LRRFIP1: variants seen among roughly 807,000 people sequenced by gnomAD.
LRRFIP1 encodes the protein LRR binding FLII interacting protein 1, also known as leucine-rich repeat flightless-interacting protein 1.
Under a neutral mutation model 104.4 loss-of-function variants are expected in LRRFIP1, and 62 were observed. The ratio of observed to expected loss-of-function variants is 0.59; its 90% confidence interval spans 0.48 to 0.73. The LOEUF (loss-of-function observed/expected upper bound fraction) is 0.73. Ranked by LOEUF, LRRFIP1 falls within the 30% of genes least tolerant of loss-of-function variation. The pLI, the probability that LRRFIP1 is intolerant of heterozygous loss-of-function variation, is 0.00. For synonymous variants in LRRFIP1, 300 were observed against 299.0 expected (o/e 1.00, Z -0.03); for missense variants, 796 against 824.5 (o/e 0.97, Z 0.42).
chr2:237,735,727 G>A lies in LRRFIP1; in HGVS notation c.555+394G>A, dbSNP rs55653383. ...CAAATTTTAAAACTTGGAATGTTAC[G>A]CATATTTCATTCCCTGTTTGTATTT... is the stretch of plus-strand genomic sequence containing the variant. On this transcript the variant is annotated intron_variant, in intron 10 of 23. Transcript: ENST00000308482. The surrounding 1 kb of genome is among the most constrained non-coding windows in gnomAD (Gnocchi z 4.6). The A allele has an allele frequency of 1.8e-4, 32 of 176,992 alleles. No homozygotes were observed. The highest frequency in any genetic ancestry group is 3.6e-4 in the Non-Finnish European group (30 of 83,610). 11.0% of individuals were successfully genotyped at this position (176,992 alleles called of 1,614,324 possible). A position where few individuals can be genotyped will look rare whatever the true frequency, so the allele number is the denominator to read the frequency against.
At position 237,627,637 on chromosome 2, in the gene LRRFIP1, C is replaced by T. The variant is rs1195746821; in HGVS notation, c.-8C>T. On this transcript the variant is annotated 5_prime_UTR_variant, in exon 1 of 24. In the 5' UTR this introduces an upstream ATG that the reference lacks. Transcript: ENST00000308482. The stretch of plus-strand genomic sequence containing the variant: ...CGGGCCCCGCGGCAGCTGCGGGCGA[C>T]GCGGTCGATGGACATGGGCACCCAG... 2.3e-6 allele frequency: 3 copies of T among 1,310,146 alleles called. No homozygotes were observed. Among genetic ancestry groups the T allele is most frequent in the East Asian group, 3.6e-5 (1 of 27,784 alleles). 81.2% of individuals were successfully genotyped at this position (1,310,146 alleles called of 1,614,324 possible).
intron 8 of LRRFIP1, among the ~76,000 whole-genome samples, chr2:237,731,404 A>G (rs754488807): frequency 3.4e-4 from 52 of 151,890 alleles, no homozygotes; most frequent in Middle Eastern, 3.4e-3. Context: ...TGGCAGCTCC[A>G]TGGCGCCCAC....
rs535554396 is a variant in LRRFIP1, at chr2:237,758,161, A to G, written c.1225-568A>G. Among the ~76,000 whole-genome samples, 3 of 142,186 alleles carry G rather than the reference A, an allele frequency of 2.1e-5. No homozygotes were observed. The South Asian group carries it at 7.1e-4, about 34-fold the overall frequency. The allele number at this position is 142,186 out of a possible 152,430, so 93.3% of individuals were successfully genotyped here. On this transcript the variant is annotated intron_variant, in intron 17 of 23. Transcript: ENST00000308482. ...TAAAGACGTCGAGATACCTGCACAA[A>G]CCATCGGCACGTTGACTCAAGCCAC...
At position 237,711,253 on chromosome 2, in the gene LRRFIP1, G is replaced by T. The variant is rs2094068831; in HGVS notation, c.183+2623G>T. Among the ~76,000 whole-genome samples, 1 of 152,214 alleles carries T rather than the reference G, an allele frequency of 6.6e-6. No homozygotes were observed. Among genetic ancestry groups the T allele is most frequent in the East Asian group, 1.9e-4 (1 of 5,196 alleles). On this transcript the variant is annotated intron_variant, in intron 2 of 23. Transcript: ENST00000308482. This position sits in a 1 kb window ranked among gnomAD's most constrained non-coding sequence, Gnocchi z 4.4. ...GGGAAGTCTCACGTAAAACGCCATG[G>T]TTTGCCTTCTTCAGCATGAGTACAG... is the stretch of plus-strand genomic sequence containing the variant.
At position 237,735,599 on chromosome 2, in the gene LRRFIP1, A is replaced by G. The variant is rs1015215650; in HGVS notation, c.555+266A>G. The G allele has an allele frequency of 2.4e-6, 1 of 408,922 alleles. No homozygotes were observed. The highest frequency in any genetic ancestry group is 4.4e-6 in the Non-Finnish European group (1 of 228,656). The allele number at this position is 408,922 out of a possible 1,614,324, so 25.3% of individuals were successfully genotyped here. A position where few individuals can be genotyped will look rare whatever the true frequency, so the allele number is the denominator to read the frequency against. On this transcript the variant is annotated intron_variant, in intron 10 of 23. Coordinates refer to ENST00000308482, the MANE Select transcript of LRRFIP1 (RefSeq NM_001137550.2). The surrounding 1 kb of genome is among the most constrained non-coding windows in gnomAD (Gnocchi z 4.6). The stretch of plus-strand genomic sequence containing the variant: ...CTGCTCTCTCTGCAGCACGCCAACC[A>G]TACTAACAGGTGGTGAAACCGTCTT...
At chr2:237,682,197 A>G (rs2091917461) in intron 1 of LRRFIP1, among the ~76,000 whole-genome samples, 2 of 152,132 alleles carry the variant, frequency 1.3e-5, no homozygotes, top group South Asian at 4.2e-4. Context: ...GTTTTGCGGG[A>G]AAAAAATAAT....
rs1227348738 is a variant in LRRFIP1, at chr2:237,708,822, C to G, written c.183+192C>G. ...CGCATAGCACGGATACCAGGCGTGC[C>G]TGCTCAGACCTGCTGGCTCCTGAGA... On this transcript the variant is annotated intron_variant, in intron 2 of 23. Coordinates refer to ENST00000308482, the MANE Select transcript of LRRFIP1 (RefSeq NM_001137550.2). 3 of 709,720 alleles carry G rather than the reference C, an allele frequency of 4.2e-6. No homozygotes were observed. The South Asian group carries it at 4.5e-5, about 11-fold the overall frequency. 44.0% of individuals were successfully genotyped at this position (709,720 alleles called of 1,614,324 possible).
Position 237,720,816 on chromosome 2 carries a change from C to A in LRRFIP1, c.339C>A (p.Ser113Arg). ...DERMSVGSRG[S>R]LRSQPDLEYG... is the part of the protein sequence containing the mutation. The stretch of plus-strand genomic sequence containing the variant: ...GCATGTCAGTGGGTAGTCGTGGAAG[C>A]CTGAGGGTCAGTAACCAGAATGATG... The change falls in exon 6 of 24, where the codon AGC (serine) becomes AGA (arginine). Residue 113 changes from serine (S) to arginine (R), a missense_variant. Transcript: ENST00000308482. 1 of 1,613,996 alleles carries A rather than the reference C, an allele frequency of 6.2e-7. No homozygotes were observed. The highest frequency in any genetic ancestry group is 8.5e-7 in the Non-Finnish European group (1 of 1,179,874).
chr2:237,753,160 A>T (rs1362597818), intron 14 of LRRFIP1, 149 bp from the exon 15 acceptor site: 1 of 569,652 alleles, frequency 1.8e-6, no homozygotes, highest in Non-Finnish European at 3.0e-6. Context: ...ATGCATTTGA[A>T]ATTGCCATGT....
At chr2:237,731,812 G>A (rs2095023670) in intron 8 of LRRFIP1, among the ~76,000 whole-genome samples, 1 of 152,166 alleles carries the variant, frequency 6.6e-6, no homozygotes, top group Non-Finnish European at 1.5e-5. Context: ...ACATCAGAAT[G>A]AGAGCTGACT....
At chr2:237,741,173 G>T (rs867741708) in intron 11 of LRRFIP1, among the ~76,000 whole-genome samples, 14 of 152,188 alleles carry the variant, frequency 9.2e-5, no homozygotes, top group Admixed American at 2.6e-4. Context: ...GGGGCACACC[G>T]CCCCCCAGTA....
At chr2:237,768,838 A>G (rs1174876530) in intron 19 of LRRFIP1, 2 of 152,232 alleles carry the variant, frequency 1.3e-5, no homozygotes, top group African/African-American at 2.4e-5. Context: ...CACATGGCTA[A>G]TCAAGGTTAG....
At chr2:237,777,844 C>T (rs1443329175) in intron 23 of LRRFIP1, among the ~76,000 whole-genome samples, 2 of 152,242 alleles carry the variant, frequency 1.3e-5, no homozygotes, top group East Asian at 1.9e-4. Context: ...CTCATTGTCT[C>T]CACATTTTTT....
At chr2:237,753,562 A>T (rs1007335579) in intron 15 of LRRFIP1, 83 bp downstream of exon 15, 2 of 1,206,500 alleles carry the variant, frequency 1.7e-6, no homozygotes, top group Non-Finnish European at 2.2e-6. Context: ...TTGGGAGGCC[A>T]AGGTGGGAGG....
Position 237,772,067 on chromosome 2 carries a change from G to A in LRRFIP1, c.1510-14G>A. The A allele has an allele frequency of 6.4e-7, 1 of 1,552,390 alleles. No individual in the cohort carries two copies. The highest frequency in any genetic ancestry group is 8.9e-7 in the Non-Finnish European group (1 of 1,129,698). On this transcript the variant is annotated splice_polypyrimidine_tract_variant and intron_variant, in intron 20 of 23. Coordinates refer to ENST00000308482, the MANE Select transcript of LRRFIP1 (RefSeq NM_001137550.2). The stretch of plus-strand genomic sequence containing the variant: ...GTAGAGAAATTAACAGATTTTACTG[G>A]CGGGTGTTTTCAGATTAAGAAACTC...
intron 19 of LRRFIP1, chr2:237,763,180 G>A (rs776827427): frequency 1.4e-5 from 23 of 1,614,116 alleles, no homozygotes; most frequent in Middle Eastern, 3.3e-4. Context: ...AGGTTCCAGC[G>A]CACAGTACAG....
rs774863996 is a variant in LRRFIP1 at position 237,756,218 on chromosome 2, T to C, written c.1131+31T>C. Reference sequence around the variant, plus strand: ...TAGCATTCTCCTGCTTTTCTTTTCCTTTTTTCCCTTTGGAGCATTTTGTCA... The same window carrying C: ...TAGCATTCTCCTGCTTTTCTTTTCCCTTTTTCCCTTTGGAGCATTTTGTCA... On this transcript the variant is annotated intron_variant, in intron 16 of 23. Coordinates refer to ENST00000308482, the MANE Select transcript of LRRFIP1 (RefSeq NM_001137550.2). 10 of 1,547,222 alleles carry C rather than the reference T, an allele frequency of 6.5e-6. No individual in the cohort carries two copies. The South Asian group carries it at 1.1e-4, about 18-fold the overall frequency.
chr2:237,772,110 G>A lies in LRRFIP1; in HGVS notation c.1539G>A (p.Glu513=). Residue 513 remains glutamate, a synonymous_variant, in exon 21 of 24, where the codon GAG becomes GAA. Coordinates refer to ENST00000308482, the MANE Select transcript of LRRFIP1 (RefSeq NM_001137550.2). The part of the protein sequence containing the change: ...QIKKLKGQLE[E]RQKIGKLDNL... ...AGAAACTCAAAGGGCAGCTGGAGGAGAGACAGAAGATTGGCAAACTAGACA... is the reference window on the plus strand; with the variant it reads ...AGAAACTCAAAGGGCAGCTGGAGGAAAGACAGAAGATTGGCAAACTAGACA... 6.2e-7 allele frequency: 1 copy of A among 1,613,846 alleles called. No individual in the cohort carries two copies. The highest frequency in any genetic ancestry group is 1.7e-5 in the Admixed American group (1 of 60,020).
chr2:237,723,468 T>C, intron 6 of LRRFIP1, 80 bp from the exon 7 acceptor site: 1 of 1,374,048 alleles, frequency 7.3e-7, no homozygotes, highest in East Asian at 2.3e-5. Context: ...CTTGTATTTA[T>C]GTTTTACTTA....
Sources: gnomAD v4.1 joint callset for allele counts (sites outside exome capture counted in the v4.1 genomes callset) on GRCh38, gnomAD v4.1.1 for gene constraint, Gnocchi (gnomAD v3.1) non-coding constraint, MANE v1.5 for transcripts, NCBI Gene and HGNC (gene_info 2026-07-23, HGNC 2026-07-21) for gene names.